ESRRG: variants seen among roughly 807,000 people sequenced by gnomAD.
The protein encoded by ESRRG is estrogen-related receptor gamma.
In ESRRG, 13 loss-of-function variants were observed where a neutral mutation model predicts 44.0. That is an observed-to-expected ratio of 0.30 (90% confidence interval 0.19 to 0.47). The LOEUF is 0.47. Ranked by LOEUF, ESRRG falls within the 20% of genes least tolerant of loss-of-function variation. The pLI is 1.00. For synonymous variants in ESRRG, 215 were observed against 214.6 expected, an observed-to-expected ratio of 1.00 and a Z score of -0.02; for missense variants, 395 against 580.6, an observed-to-expected ratio of 0.68 and a Z score of 3.29.
rs561771970 is a variant in ESRRG, at chr1:216,541,513, T to C, written c.863-22092A>G. Among the ~76,000 whole-genome samples, 19 of 151,210 alleles carry C rather than the reference T, an allele frequency of 1.3e-4. 1 individual carries two copies. Among genetic ancestry groups the C allele is most frequent in the Admixed American group, 3.3e-4 (5 of 15,108 alleles). ...GTTTAATAATAAGTTTGGGAAATAA[T>C]GATATTGAAGTAAGGGAAGCTCGCT... On this transcript the variant is annotated intron_variant, in intron 5 of 6. Transcript: ENST00000408911.
At chr1:217,060,971 CA>C (rs2088312916) in intron 1 of ESRRG, among the ~76,000 whole-genome samples, 1 of 127,814 alleles carries the variant, frequency 7.8e-6, no homozygotes, top group Non-Finnish European at 1.7e-5. Context: ...TGAAATATAT[CA>C]AACTTTCATG....
intron 1 of ESRRG, among the ~76,000 whole-genome samples, chr1:217,007,780 G>A (rs2077963163): frequency 6.6e-6 from 1 of 151,744 alleles, no homozygotes; most frequent in African/African-American, 2.4e-5. Context: ...ACTATATATG[G>A]ACTAAGCATT....
intron 6 of ESRRG, among the ~76,000 whole-genome samples, chr1:216,517,051 T>C (rs1465795750): frequency 6.6e-6 from 1 of 152,168 alleles, no homozygotes; most frequent in Non-Finnish European, 1.5e-5. Flanking sequence ...GTAGGGACTC[T>C]GATTCAATTG....
At chr1:216,512,705 C>T (rs1310438681) in intron 6 of ESRRG, among the ~76,000 whole-genome samples, 1 of 151,760 alleles carries the variant, frequency 6.6e-6, no homozygotes, top group Non-Finnish European at 1.5e-5. Flanking sequence ...TGAAAAATGG[C>T]CCTGAAGATA....
At chr1:216,609,742 G>A (rs946502133) in intron 3 of ESRRG, among the ~76,000 whole-genome samples, 2 of 152,066 alleles carry the variant, frequency 1.3e-5, no homozygotes, top group African/African-American at 4.8e-5. Context: ...GGAGACATAA[G>A]CATAAAAATA....
chr1:217,008,033 G>A (rs939544218), intron 1 of ESRRG, among the ~76,000 whole-genome samples: 3 of 152,166 alleles, frequency 2.0e-5, no homozygotes, highest in Non-Finnish European at 4.4e-5. Context: ...CATTTCATCT[G>A]CTATGCTCAA....
At chr1:216,658,666 C>CAA (rs3040932) in intron 2 of ESRRG, among the ~76,000 whole-genome samples, 2 of 130,332 alleles carry the variant, frequency 1.5e-5, no homozygotes, top group African/African-American at 5.9e-5. Flanking sequence ...ACTAAAAATA[C>CAA]AAAAAAAAAA....
intron 2 of ESRRG, among the ~76,000 whole-genome samples, chr1:216,876,573 C>G (rs1030850): frequency 6.6e-6 from 1 of 151,006 alleles, no homozygotes; most frequent in Non-Finnish European, 1.5e-5. Context: ...TTTGTTTTTT[C>G]AAATGATAAT....
chr1:216,928,481 C>T (rs1016539220), intron 2 of ESRRG, among the ~76,000 whole-genome samples: 5 of 152,200 alleles, frequency 3.3e-5, no homozygotes, highest in Admixed American at 3.3e-4. Context: ...GTCAAGACTG[C>T]CATGACCCAT....
chr1:216,917,348 A>G (rs2061327567), intron 2 of ESRRG, among the ~76,000 whole-genome samples: 1 of 152,042 alleles, frequency 6.6e-6, no homozygotes, highest in Non-Finnish European at 1.5e-5. Flanking sequence ...TATAAAAGAC[A>G]TGGTTCACTG....
At chr1:217,092,858 A>G (rs1027248042), upstream of ESRRG, among the ~76,000 whole-genome samples, 1 of 152,222 alleles carries the variant, frequency 6.6e-6, no homozygotes, top group Non-Finnish European at 1.5e-5. Flanking sequence ...ACAGAAATTA[A>G]AAGTTTTATG....
At chr1:216,736,243 C>T (rs1272393026) in intron 2 of ESRRG, among the ~76,000 whole-genome samples, 1 of 138,514 alleles carries the variant, frequency 7.2e-6, no homozygotes, top group South Asian at 2.3e-4. Flanking sequence ...AGTGCAGTGG[C>T]GCTGTCTCTA....
intron 1 of ESRRG, among the ~76,000 whole-genome samples, chr1:217,115,388 C>A (rs1265020355): frequency 1.3e-5 from 2 of 152,098 alleles, no homozygotes; most frequent in Non-Finnish European, 2.9e-5. Flanking sequence ...ACCAGCCTGG[C>A]TTTAGCATGA....
chr1:217,041,106 T>C (rs2083778193), intron 1 of ESRRG, among the ~76,000 whole-genome samples: 1 of 151,988 alleles, frequency 6.6e-6, no homozygotes, highest in Admixed American at 6.6e-5. Context: ...CTCCACAGAG[T>C]GGGTGTAGAG....
chr1:216,669,114 A>G (rs1476021223), intron 2 of ESRRG, among the ~76,000 whole-genome samples: 1 of 151,788 alleles, frequency 6.6e-6, no homozygotes, highest in African/African-American at 2.4e-5. Flanking sequence ...AAAAAAAAAC[A>G]AAACAAAGAG....
At chr1:216,938,420 G>A (rs530902639) in intron 2 of ESRRG, among the ~76,000 whole-genome samples, 1 of 152,256 alleles carries the variant, frequency 6.6e-6, no homozygotes, top group East Asian at 1.9e-4. Context: ...TTTGGGGCCA[G>A]AACTCCATTT....
At chr1:216,679,162 G>A (rs1229943828) in intron 1 of ESRRG, among the ~76,000 whole-genome samples, 1 of 152,098 alleles carries the variant, frequency 6.6e-6, no homozygotes, top group African/African-American at 2.4e-5. Context: ...TCGTACTTTC[G>A]CCCACCCACT....
chr1:216,831,744 G>A (rs983087594), intron 2 of ESRRG, among the ~76,000 whole-genome samples: 1 of 152,038 alleles, frequency 6.6e-6, no homozygotes, highest in African/African-American at 2.4e-5. Flanking sequence ...GCAATGAAGT[G>A]AGAAAAACCA....
rs114723106 is a variant in ESRRG at position 216,601,828 on chromosome 1, C to T, written c.590-33730G>A. On this transcript the variant is annotated intron_variant, in intron 3 of 6. Transcript: ENST00000408911. ...TAGCTCCTTAATTATTATTGGTTAT[C>T]TGCCAGGCTTTCTATAATATACTTT... is the stretch of plus-strand genomic sequence containing the variant. Among the ~76,000 whole-genome samples the T allele has an allele frequency of 6.0e-3, 907 of 152,318 alleles. 13 individuals are homozygous for T. Among genetic ancestry groups the T allele is most frequent in the African/African-American group, 0.021 (877 of 41,570 alleles).
Sources: gnomAD v4.1 joint callset for allele counts (sites outside exome capture counted in the v4.1 genomes callset) on GRCh38, gnomAD v4.1.1 for gene constraint, MANE v1.5 for transcripts, NCBI Gene and HGNC (gene_info 2026-07-23, HGNC 2026-07-21) for gene names.